FHIT: variants seen among roughly 807,000 people sequenced by gnomAD.
The protein encoded by FHIT is bis(5'-adenosyl)-triphosphatase.
In FHIT, 19 loss-of-function variants were observed where a neutral mutation model predicts 17.9. The ratio of observed to expected loss-of-function variants is 1.06; its 90% CI spans 0.74 to 1.56. FHIT has a LOEUF of 1.56. Among genes scored for constraint, FHIT ranks in the 40% most tolerant of loss-of-function variants. FHIT has a pLI of 0.00. For synonymous variants in FHIT, 81 were observed against 69.7 expected (o/e 1.16, Z -0.81); for missense variants, 248 against 189.2 (o/e 1.31, Z -1.82).
intron 1 of FHIT, among the ~76,000 whole-genome samples, chr3:61,211,317 C>T (rs1005080765): frequency 4.8e-5 from 7 of 146,488 alleles, no homozygotes; most frequent in Non-Finnish European, 3.0e-5. Context: ...TGCACTTTTC[C>T]GATGGGCTTA....
At chr3:59,959,585 C>G (rs1055807351) in intron 7 of FHIT, among the ~76,000 whole-genome samples, 1 of 152,128 alleles carries the variant, frequency 6.6e-6, no homozygotes, top group African/African-American at 2.4e-5. Flanking sequence ...GTCATTCATC[C>G]ATGCATATAT....
chr3:60,005,114 C>T (rs538793786), intron 7 of FHIT, among the ~76,000 whole-genome samples: 25 of 152,270 alleles, frequency 1.6e-4, no homozygotes, highest in Admixed American at 1.4e-3. Context: ...CTTTAACTTC[C>T]CTGCATTTTC....
At chr3:59,906,248 G>C (rs897793582) in intron 8 of FHIT, among the ~76,000 whole-genome samples, 2 of 152,206 alleles carry the variant, frequency 1.3e-5, no homozygotes, top group Non-Finnish European at 2.9e-5. Context: ...GATTGTGTGT[G>C]TGTTTATAAA....
intron 5 of FHIT, among the ~76,000 whole-genome samples, chr3:60,206,796 C>G (rs897351530): frequency 2.0e-5 from 3 of 151,650 alleles, no homozygotes; most frequent in African/African-American, 7.3e-5. Flanking sequence ...ATAAAAGAGG[C>G]TGCCCTTTAA....
At chr3:60,821,637 C>G (rs1418476477) in intron 4 of FHIT, among the ~76,000 whole-genome samples, 1 of 152,098 alleles carries the variant, frequency 6.6e-6, no homozygotes, top group African/African-American at 2.4e-5. Flanking sequence ...AACAGGTAAG[C>G]TACATTTCAT....
intron 5 of FHIT, among the ~76,000 whole-genome samples, chr3:60,512,400 A>G (rs1347874073): frequency 2.0e-5 from 3 of 152,212 alleles, no homozygotes; most frequent in Admixed American, 6.5e-5. Context: ...ATGTTTCCAC[A>G]TATGTCAGCT....
intron 5 of FHIT, among the ~76,000 whole-genome samples, chr3:60,038,711 A>G (rs1029514503): frequency 2.0e-5 from 3 of 152,170 alleles, no homozygotes; most frequent in African/African-American, 7.2e-5. Context: ...AAAAGAATTT[A>G]TATCAGAATA....
chr3:60,987,644 G>A (rs190785463), intron 3 of FHIT, among the ~76,000 whole-genome samples: 4 of 152,320 alleles, frequency 2.6e-5, no homozygotes, highest in South Asian at 4.1e-4. Flanking sequence ...ATTTCTGTGT[G>A]TGTGTCTTTA....
At chr3:60,245,726 T>G (rs1298175614) in intron 5 of FHIT, among the ~76,000 whole-genome samples, 1 of 152,086 alleles carries the variant, frequency 6.6e-6, no homozygotes, top group African/African-American at 2.4e-5. Flanking sequence ...CAAAACTTTA[T>G]GTACAAAAAT....
At chr3:60,056,023 T>C (rs1242590595) in intron 5 of FHIT, among the ~76,000 whole-genome samples, 1 of 152,188 alleles carries the variant, frequency 6.6e-6, no homozygotes, top group Non-Finnish European at 1.5e-5. Flanking sequence ...TTTACGTCCT[T>C]TAAAAAATAG....
At chr3:60,750,555 G>T (rs1199116709) in intron 4 of FHIT, among the ~76,000 whole-genome samples, 1 of 152,114 alleles carries the variant, frequency 6.6e-6, no homozygotes, top group African/African-American at 2.4e-5. Context: ...CCTGCACAAG[G>T]TCTCTCTTTG....
At chr3:60,462,721 G>A (rs575655940) in intron 5 of FHIT, among the ~76,000 whole-genome samples, 9 of 152,176 alleles carry the variant, frequency 5.9e-5, no homozygotes, top group South Asian at 2.1e-4. Flanking sequence ...GGCCCCAGGC[G>A]GACAAGGAAA....
Position 61,193,542 on chromosome 3 carries a change from A to G in FHIT, c.-164+7075T>C, listed in dbSNP as rs913306542. On this transcript the variant is annotated intron_variant, in intron 2 of 9. Coordinates refer to ENST00000492590, the MANE Select transcript of FHIT (RefSeq NM_002012.4). Reference sequence around the variant, plus strand: ...TATAACAGACCTGCAGCATTTTTGCATCAATGACCTTAAGTGAGCAGACAC... The same window carrying G: ...TATAACAGACCTGCAGCATTTTTGCGTCAATGACCTTAAGTGAGCAGACAC... Among the ~76,000 whole-genome samples, 103 of 152,342 alleles carry G rather than the reference A, an allele frequency of 6.8e-4. 1 individual carries two copies. The highest frequency in any genetic ancestry group is 2.4e-3 in the African/African-American group (99 of 41,574).
intron 4 of FHIT, among the ~76,000 whole-genome samples, chr3:60,802,986 A>G (rs1412807818): frequency 1.3e-5 from 2 of 152,190 alleles, no homozygotes; most frequent in African/African-American, 4.8e-5. Context: ...ATTTGGAGAC[A>G]ATGGGATGTT....
At chr3:60,295,580 G>A (rs186544978) in intron 5 of FHIT, among the ~76,000 whole-genome samples, 1 of 152,156 alleles carries the variant, frequency 6.6e-6, no homozygotes, top group East Asian at 1.9e-4. Flanking sequence ...CCATTCATGA[G>A]GGATCTGCCA....
At chr3:60,320,405 T>C (rs1709371975) in intron 5 of FHIT, among the ~76,000 whole-genome samples, 1 of 151,832 alleles carries the variant, frequency 6.6e-6, no homozygotes, top group South Asian at 2.1e-4. Context: ...AAAGAAGCAA[T>C]AGCAAGTGAC....
intron 5 of FHIT, among the ~76,000 whole-genome samples, chr3:60,360,059 T>C (rs962741910): frequency 6.7e-6 from 1 of 149,326 alleles, no homozygotes; most frequent in African/African-American, 2.5e-5. Context: ...AGAATACAAA[T>C]GTGCAGGTTT....
chr3:60,898,052 T>A (rs185544104), intron 3 of FHIT, among the ~76,000 whole-genome samples: 1 of 152,314 alleles, frequency 6.6e-6, no homozygotes, highest in East Asian at 1.9e-4. Context: ...GTTAATATTT[T>A]AGGGCATATA....
intron 5 of FHIT, among the ~76,000 whole-genome samples, chr3:60,358,679 GTCTATAC>G (rs1428520983): frequency 6.6e-6 from 1 of 152,156 alleles, no homozygotes; most frequent in African/African-American, 2.4e-5. Flanking sequence ...AACATGGTAG[GTCTATAC>G]TTTCTAGTGC....
Sources: gnomAD v4.1 joint callset for allele counts (sites outside exome capture counted in the v4.1 genomes callset) on GRCh38, gnomAD v4.1.1 for gene constraint, MANE v1.5 for transcripts, NCBI Gene and HGNC (gene_info 2026-07-23, HGNC 2026-07-21) for gene names.